The following BPIFB4 variants were observed in gnomAD, a reference collection of about 807,000 sequenced individuals.
BPIFB4 encodes BPI fold-containing family B member 4.
A neutral mutation model predicts 69.2 loss-of-function variants in BPIFB4; 62 were observed. The observed-to-expected ratio is 0.90, with a 90% CI of 0.73 to 1.11. The LOEUF (loss-of-function observed/expected upper bound fraction) is 1.11, where lower values mean the gene tolerates loss of function less well. BPIFB4 is among the 50% of genes least tolerant of loss of function. BPIFB4 has a pLI of 0.00. For synonymous variants in BPIFB4, 330 were observed against 332.7 expected, an observed-to-expected ratio of 0.99 and a Z score of 0.09; for missense variants, 789 against 792.0, an observed-to-expected ratio of 1.00 and a Z score of 0.04.
At chr20:33,103,090 C>T in intron 15 of BPIFB4, 76 bp downstream of exon 15, 3 of 1,509,750 alleles carry the variant, frequency 2.0e-6, no homozygotes, top group African/African-American at 1.4e-5. Context: ...GAATGGTGTT[C>T]CTGTGAGGCT....
At chr20:33,096,753 G>C (rs1182122611) in intron 12 of BPIFB4, among the ~76,000 whole-genome samples, 1 of 152,238 alleles carries the variant, frequency 6.6e-6, no homozygotes, top group East Asian at 1.9e-4. Context: ...CAGCAGGGGG[G>C]ATTCAGGCTG....
chr20:33,094,637 G>T (rs1454474323), intron 11 of BPIFB4, among the ~76,000 whole-genome samples: 3 of 152,032 alleles, frequency 2.0e-5, no homozygotes, highest in South Asian at 4.1e-4. Flanking sequence ...CTCCCAAGTA[G>T]CTGGGATTAC....
Position 33,083,676 on chromosome 20 carries a change from G to T in BPIFB4, c.479G>T (p.Gly160Val). 3 of 1,614,076 alleles carry T rather than the reference G, an allele frequency of 1.9e-6. No homozygotes were observed. The highest frequency in any genetic ancestry group is 2.5e-6 in the Non-Finnish European group (3 of 1,179,994). ...CTGCAGCCTGGAGAAATCCCACCTG[G>T]AGTTGCCACTGGGGCGGTGGGCCCA... ...RELQPGEIPP[G>V]VATGAVGPGG... is the part of the protein sequence containing the mutation. Residue 160 changes from glycine (G) to valine (V), a missense_variant, in exon 5 of 18, where the codon GGA becomes GTA. By Grantham distance (109) the Gly-to-Val change is moderately radical. Transcript: ENST00000375483.
intron 10 of BPIFB4, among the ~76,000 whole-genome samples, chr20:33,092,163 T>C (rs990603880): frequency 8.5e-5 from 13 of 152,138 alleles, no homozygotes; most frequent in Non-Finnish European, 1.5e-4. Flanking sequence ...AGAGGGTAGA[T>C]ATGCATTGTA....
Position 33,090,793 on chromosome 20 carries a change from C to A in BPIFB4, c.1137C>A (p.Asp379Glu). The A allele has an allele frequency of 6.2e-7, 1 of 1,614,166 alleles. No homozygotes were observed. Among genetic ancestry groups the A allele is most frequent in the Non-Finnish European group, 8.5e-7 (1 of 1,180,018 alleles). ...PLVTGEFLEL[D>E]LNTLVGEAGG... ...TGACCGGGGAATTCCTGGAGCTGGA[C>A]CTCAACGTGAGTGCCTGGGGTTCAG... is the stretch of plus-strand genomic sequence containing the variant. The change falls in exon 10 of 18, where the codon GAC becomes GAA. Residue 379 changes from aspartate (D) to glutamate (E), a missense_variant. Asp to Glu is a conservative substitution (Grantham distance 45). This residue lies in a region of BPIFB4 where 611 missense variants were observed against 575.4 expected (regional missense o/e 1.06). Transcript: ENST00000375483.
At chr20:33,090,958 C>A (rs139981146) in intron 10 of BPIFB4, among the ~76,000 whole-genome samples, 159 bp downstream of exon 10, 2 of 152,364 alleles carry the variant, frequency 1.3e-5, no homozygotes, top group East Asian at 3.9e-4. Flanking sequence ...TGTTAGAAAA[C>A]ATAATCATGG....
chr20:33,083,777 G>A lies in BPIFB4; in HGVS notation c.580G>A (p.Gly194Ser), dbSNP rs1350285803. Residue 194 changes from glycine (G) to serine (S), a missense_variant, in exon 5 of 18, where the codon GGT becomes AGT. Physicochemically the swap from Gly to Ser is moderately conservative, Grantham distance 56. Around this residue, in one of 3 missense-constraint regions of BPIFB4, gnomAD observed 611 missense variants for 575.4 expected, o/e 1.06. Transcript: ENST00000375483. ...LAGQGGLLGG[G>S]GLLGDGGLLG... ...AGGCCAAGGTGGCCTGCTCGGCGGA[G>A]GTGGTCTCCTTGGTGATGGAGGACT... The A allele has an allele frequency of 6.2e-7, 1 of 1,613,788 alleles. No homozygotes were observed. The highest frequency in any genetic ancestry group is 1.7e-5 in the Admixed American group (1 of 60,012).
At chr20:33,109,481 G>A (rs1038490598) in intron 17 of BPIFB4, among the ~76,000 whole-genome samples, 49 of 152,072 alleles carry the variant, frequency 3.2e-4, no homozygotes, top group African/African-American at 1.1e-3. Flanking sequence ...CTTGCTCGAG[G>A]TCACCCAGCT....
At chr20:33,105,005 C>G in intron 16 of BPIFB4, 132 bp downstream of exon 16, 1 of 860,036 alleles carries the variant, frequency 1.2e-6, no homozygotes. Flanking sequence ...TGAAGCGTGT[C>G]GATGAAAGCC....
chr20:33,085,013 C>G lies in BPIFB4; in HGVS notation c.782+17C>G. 6.2e-7 allele frequency: 1 copy of G among 1,606,844 alleles called. No homozygotes were observed. The highest frequency in any genetic ancestry group is 2.2e-5 in the East Asian group (1 of 44,606). On this transcript the variant is annotated intron_variant, in intron 6 of 17. Coordinates refer to ENST00000375483, the MANE Select transcript of BPIFB4 (RefSeq NM_182519.3). ...CGGGAAGAGGTGCGTGCCCTTGGCCCTGGAGGGGTCCCCACCACCCTATGG... is the reference window on the plus strand; with the variant it reads ...CGGGAAGAGGTGCGTGCCCTTGGCCGTGGAGGGGTCCCCACCACCCTATGG...
Position 33,090,719 on chromosome 20 carries a change from C to T in BPIFB4, c.1063C>T (p.Leu355=), listed in dbSNP as rs755182899. 6 of 1,614,184 alleles carry T rather than the reference C, an allele frequency of 3.7e-6. No individual in the cohort carries two copies. In the South Asian group the frequency reaches 6.6e-5, roughly 18 times the overall value. The part of the protein sequence containing the change: ...QLGLVDSLIP[L]GILGSVQYTF... ...TCCTTTGCCTGCAGCTCTGATTCCT[C>T]TGGGGATATTGGGAAGTGTCCAGTA... The change falls in exon 10 of 18, where the codon CTG becomes TTG. Residue 355 remains leucine (L), a synonymous_variant. Transcript: ENST00000375483.
At chr20:33,085,264 G>A (rs1451217753) in intron 6 of BPIFB4, among the ~76,000 whole-genome samples, 1 of 152,188 alleles carries the variant, frequency 6.6e-6, no homozygotes, top group Non-Finnish European at 1.5e-5. Context: ...AGACCAGCCT[G>A]GCCAACATGG....
At chr20:33,101,061 TGATGAGGAGGAG>T (rs1375422617) in intron 14 of BPIFB4, among the ~76,000 whole-genome samples, 1 of 151,996 alleles carries the variant, frequency 6.6e-6, no homozygotes, top group African/African-American at 2.4e-5. Context: ...ACAGTGATGA[TGATGAGGAGGAG>T]GACGAGGAGG....
At chr20:33,096,296 G>A (rs1981751731) in intron 12 of BPIFB4, among the ~76,000 whole-genome samples, 1 of 151,970 alleles carries the variant, frequency 6.6e-6, no homozygotes, top group Non-Finnish European at 1.5e-5. Flanking sequence ...CTTTTTTTGA[G>A]ACAGAGTCTT....
chr20:33,083,715 G>A lies in BPIFB4; in HGVS notation c.518G>A (p.Gly173Asp), dbSNP rs1456083981. 1.2e-6 allele frequency: 2 copies of A among 1,614,020 alleles called. No individual in the cohort carries two copies. Among genetic ancestry groups the A allele is most frequent in the Non-Finnish European group, 8.5e-7 (1 of 1,179,972 alleles). ...GCGGTGGGCCCAGGTGGTTTGCTGG[G>A]CACTGGAGGCATGCTGGCAGCTGAT... is the stretch of plus-strand genomic sequence containing the variant. ...TGAVGPGGLL[G>D]TGGMLAADGI... Residue 173 changes from glycine to aspartate, a missense_variant, in exon 5 of 18, where the codon GGC becomes GAC. Around this residue, in one of 3 missense-constraint regions of BPIFB4, gnomAD observed 611 missense variants for 575.4 expected, o/e 1.06. Coordinates refer to ENST00000375483, the MANE Select transcript of BPIFB4 (RefSeq NM_182519.3).
intron 16 of BPIFB4, 86 bp downstream of exon 16, chr20:33,104,959 C>G: frequency 7.5e-7 from 1 of 1,331,094 alleles, no homozygotes; most frequent in Non-Finnish European, 1.1e-6. Context: ...GGATGTGCAT[C>G]TATCCTACCT....
chr20:33,092,512 G>A lies in BPIFB4; in HGVS notation c.1198G>A (p.Ala400Thr). 1 of 1,614,138 alleles carries A rather than the reference G, an allele frequency of 6.2e-7. No homozygotes were observed. Among genetic ancestry groups the A allele is most frequent in the Non-Finnish European group, 8.5e-7 (1 of 1,180,042 alleles). Residue 400 changes from alanine (A) to threonine (T), a missense_variant, in exon 11 of 18, where the codon GCT becomes ACT. Ala to Thr is a moderately conservative substitution (Grantham distance 58). Coordinates refer to ENST00000375483, the MANE Select transcript of BPIFB4 (RefSeq NM_182519.3). ...GLIDYPLGWP[A>T]VSPKPMPELP... ...CATCGACTACCCATTGGGGTGGCCA[G>A]CTGTGTCTCCCAAGCCGATGCCAGA...
chr20:33,095,561 C>T (rs1365210252), intron 12 of BPIFB4, among the ~76,000 whole-genome samples: 1 of 152,156 alleles, frequency 6.6e-6, no homozygotes, highest in Non-Finnish European at 1.5e-5. Context: ...CAACGCGGGC[C>T]AGGCACACTC....
rs1029600340 is a variant in BPIFB4, at chr20:33,083,711, C to T, written c.514C>T (p.Leu172=). 1.2e-6 allele frequency: 2 copies of T among 1,613,956 alleles called. No homozygotes were observed. The highest frequency in any genetic ancestry group is 3.3e-5 in the Admixed American group (2 of 60,022). The change falls in exon 5 of 18, where the codon CTG becomes TTG. Residue 172 remains leucine (L), a synonymous_variant. Coordinates refer to ENST00000375483, the MANE Select transcript of BPIFB4 (RefSeq NM_182519.3). ...ATGAVGPGGL[L]GTGGMLAADG... Reference sequence around the variant, plus strand: ...TGGGGCGGTGGGCCCAGGTGGTTTGCTGGGCACTGGAGGCATGCTGGCAGC... The same window carrying T: ...TGGGGCGGTGGGCCCAGGTGGTTTGTTGGGCACTGGAGGCATGCTGGCAGC...
Sources: gnomAD v4.1 joint callset for allele counts (sites outside exome capture counted in the v4.1 genomes callset) on GRCh38, gnomAD v4.1.1 for gene constraint, gnomAD v4.1.1 regional missense constraint, MANE v1.5 for transcripts, NCBI Gene and HGNC (gene_info 2026-07-23, HGNC 2026-07-21) for gene names.